PRDM16: variants seen among roughly 807,000 people sequenced by gnomAD.
The protein encoded by PRDM16 is PR/SET domain 16.
Under a neutral mutation model 110.6 loss-of-function variants are expected in PRDM16, and 23 were observed. That is an observed-to-expected ratio of 0.21 (90% CI 0.15 to 0.29). The LOEUF (loss-of-function observed/expected upper bound fraction) is 0.29. Ranked by LOEUF, PRDM16 falls within the 10% of genes least tolerant of loss-of-function variation. The pLI is 1.00. For missense variants in PRDM16, 1,615 were observed against 1,794.3 expected (o/e 0.90, Z 1.81); for synonymous variants, 799 against 781.8 (o/e 1.02, Z -0.37).
Position 3,396,657 on chromosome 1 carries a change from G to GC in PRDM16, c.676+65dup. 8 of 682,656 alleles carry GC rather than the reference G, an allele frequency of 1.2e-5. No homozygotes were observed. The South Asian group carries it at 1.3e-4, about 11-fold the overall frequency. The allele number at this position is 682,656 out of a possible 1,614,324, so 42.3% of individuals were successfully genotyped here. On this transcript the variant is annotated intron_variant, in intron 5 of 16. Transcript: ENST00000270722. ...AGCCCCCAGCCAGCCCGGAAGAGGA[G>GC]CAGATGCCTGGGAGGACCGAGGGCC... is the stretch of plus-strand genomic sequence containing the variant.
intron 3 of PRDM16, among the ~76,000 whole-genome samples, chr1:3,313,733 C>G (rs1006761432): frequency 6.6e-6 from 1 of 152,220 alleles, no homozygotes; most frequent in Non-Finnish European, 1.5e-5. Flanking sequence ...CCGCCTCCTG[C>G]CCCGGCGGGC....
chr1:3,180,998 TCTTACAC>T (rs1644151093), intron 1 of PRDM16, among the ~76,000 whole-genome samples: 6 of 138,906 alleles, frequency 4.3e-5, no homozygotes, highest in East Asian at 4.2e-4. Context: ...TTACACACGA[TCTTACAC>T]GCGGTCTTAC....
intron 3 of PRDM16, among the ~76,000 whole-genome samples, chr1:3,293,063 C>A (rs1641012390): frequency 6.6e-6 from 1 of 152,256 alleles, no homozygotes; most frequent in South Asian, 2.1e-4. Context: ...GTGCCTTTCA[C>A]AGGGACATCG....
intron 3 of PRDM16, among the ~76,000 whole-genome samples, chr1:3,338,866 T>G (rs953186022): frequency 9.9e-5 from 15 of 152,172 alleles, no homozygotes; most frequent in Non-Finnish European, 2.1e-4. Flanking sequence ...GCCGAGCCCA[T>G]GAGGACAGGC....
In PRDM16 at chr1:3,241,691, G is replaced by A. The variant is rs1354688564; in HGVS notation, c.388-2396G>A. On this transcript the variant is annotated intron_variant, in intron 2 of 16. Transcript: ENST00000270722. ...AAGGCAAGAAGGGCCTCCGCATGGC[G>A]TGACGGATGGGTTTATGGGGGCATT... is the stretch of plus-strand genomic sequence containing the variant. Among the ~76,000 whole-genome samples the A allele has an allele frequency of 2.6e-5, 4 of 152,264 alleles. No individual in the cohort carries two copies. The East Asian group carries it at 7.7e-4, about 29-fold the overall frequency.
chr1:3,408,534 G>C, intron 8 of PRDM16, among the ~76,000 whole-genome samples: 1 of 149,612 alleles, frequency 6.7e-6, no homozygotes, highest in Non-Finnish European at 1.5e-5. Flanking sequence ...GTGAGAGCGT[G>C]TGTGTGGACA....
At chr1:3,152,541 G>A (rs951186160) in intron 1 of PRDM16, among the ~76,000 whole-genome samples, 2 of 152,206 alleles carry the variant, frequency 1.3e-5, no homozygotes, top group African/African-American at 4.8e-5. Flanking sequence ...ATGAAGGCTT[G>A]GAGGGGTTCT....
intron 1 of PRDM16, among the ~76,000 whole-genome samples, chr1:3,092,167 CACCACG>C (rs1166937427): frequency 2.0e-5 from 3 of 152,152 alleles, no homozygotes; most frequent in Non-Finnish European, 4.4e-5. Context: ...GCTCAGAGAG[CACCACG>C]ACTGTGCCTG....
At chr1:3,248,297 C>T (rs1639841891) in intron 3 of PRDM16, among the ~76,000 whole-genome samples, 1 of 152,302 alleles carries the variant, frequency 6.6e-6, no homozygotes, top group East Asian at 1.9e-4. Context: ...GGCCCGGCAG[C>T]CTTTCCCTTT....
intron 3 of PRDM16, among the ~76,000 whole-genome samples, chr1:3,261,117 G>C (rs1324402733): frequency 1.1e-5 from 1 of 91,754 alleles, no homozygotes; most frequent in Non-Finnish European, 2.1e-5. Context: ...CAAACATGAG[G>C]CATTAACAAG....
chr1:3,091,684 G>A lies in PRDM16; in HGVS notation c.37+22388G>A, dbSNP rs151318966. Among the ~76,000 whole-genome samples, 520 of 152,316 alleles carry A rather than the reference G, an allele frequency of 3.4e-3. 2 individuals are homozygous for A. Among genetic ancestry groups the A allele is most frequent in the Middle Eastern group, 6.8e-3 (2 of 294 alleles). On this transcript the variant is annotated intron_variant, in intron 1 of 16. Transcript: ENST00000270722. The stretch of plus-strand genomic sequence containing the variant: ...CACCCATCCTTCCAGCAGCTGTGCT[G>A]TGCTCCTTCCATGATCACCCCACAG...
intron 3 of PRDM16, among the ~76,000 whole-genome samples, chr1:3,351,001 G>A (rs921150792): frequency 3.6e-4 from 55 of 152,228 alleles, no homozygotes; most frequent in Admixed American, 1.8e-3. Flanking sequence ...AGCAGAGAGC[G>A]GGAACTGTCT....
In PRDM16 at chr1:3,430,897, A is replaced by C; in HGVS notation, c.3310A>C (p.Ser1104Arg). ...GGCGGACATGCAGATCGTGGACGGC[A>C]GTGCCCAGTGTCCAGGCCTAGCCAG... ...KRADMQIVDG[S>R]AQCPGLASEK... The change falls in exon 15 of 17, where the codon AGT becomes CGT. Residue 1104 changes from serine to arginine, a missense_variant. Physicochemically the swap from Ser to Arg is moderately radical, Grantham distance 110. Transcript: ENST00000270722. 1 of 1,614,146 alleles carries C rather than the reference A, an allele frequency of 6.2e-7. No homozygotes were observed. The highest frequency in any genetic ancestry group is 8.5e-7 in the Non-Finnish European group (1 of 1,180,026).
At chr1:3,121,134 G>A (rs939830764) in intron 1 of PRDM16, among the ~76,000 whole-genome samples, 1 of 152,206 alleles carries the variant, frequency 6.6e-6, no homozygotes, top group Non-Finnish European at 1.5e-5. Flanking sequence ...GCTGAGGCCA[G>A]AGGACAGCTT....
intron 3 of PRDM16, among the ~76,000 whole-genome samples, chr1:3,253,513 C>T (rs1639986108): frequency 6.6e-6 from 1 of 151,894 alleles, no homozygotes; most frequent in East Asian, 1.9e-4. Flanking sequence ...CCAATTTCAT[C>T]CATGTCCCTA....
At chr1:3,200,122 C>T (rs1638581270) in intron 2 of PRDM16, among the ~76,000 whole-genome samples, 1 of 152,240 alleles carries the variant, frequency 6.6e-6, no homozygotes, top group Admixed American at 6.5e-5. Context: ...CCTGTCTTTC[C>T]AGTAGAGGCA....
In PRDM16 at chr1:3,194,394, G is replaced by A. The variant is rs186505783; in HGVS notation, c.387+7920G>A. On this transcript the variant is annotated intron_variant, in intron 2 of 16. Transcript: ENST00000270722. ...CTGGCCTGCTGTGGGGGCAGCCGGCGCTCATTGGCTGAGCTCTTAGATCAC... is the reference window on the plus strand; with the variant it reads ...CTGGCCTGCTGTGGGGGCAGCCGGCACTCATTGGCTGAGCTCTTAGATCAC... Among the ~76,000 whole-genome samples the A allele has an allele frequency of 6.0e-3, 908 of 152,266 alleles. 9 individuals carry two copies. Among genetic ancestry groups the A allele is most frequent in the Non-Finnish European group, 9.8e-3 (665 of 68,010 alleles).
intron 1 of PRDM16, among the ~76,000 whole-genome samples, chr1:3,071,636 T>TC (rs923018036): frequency 6.6e-6 from 1 of 152,142 alleles, no homozygotes; most frequent in African/African-American, 2.4e-5. Context: ...GATGTGAACT[T>TC]CCCCGGGGAC....
At chr1:3,349,156 G>T (rs533988798) in intron 3 of PRDM16, among the ~76,000 whole-genome samples, 2 of 152,302 alleles carry the variant, frequency 1.3e-5, no homozygotes, top group Admixed American at 6.5e-5. Flanking sequence ...CCACAGCCTC[G>T]CCCTGCCCCA....
Sources: allele counts gnomAD v4.1 joint callset (sites outside exome capture counted in the v4.1 genomes callset), GRCh38; gene constraint gnomAD v4.1.1; transcripts MANE v1.5; gene names NCBI Gene and HGNC (gene_info 2026-07-23, HGNC 2026-07-21).